The following VWA5B2 variants were observed in gnomAD, a reference collection of about 807,000 sequenced individuals.
VWA5B2 encodes von Willebrand factor A domain containing 5B2, also known as von Willebrand factor A domain-containing protein 5B2.
In VWA5B2, 93 loss-of-function variants were observed where a neutral mutation model predicts 118.5. That is an observed-to-expected ratio of 0.79 (90% CI 0.66 to 0.93). The LOEUF (loss-of-function observed/expected upper bound fraction) is 0.93, where lower values mean the gene tolerates loss of function less well. Among genes scored for constraint, VWA5B2 ranks in the 40% least tolerant of loss-of-function variants. The pLI is 0.00. For synonymous variants in VWA5B2, 708 were observed against 716.3 expected (o/e 0.99, Z 0.19); for missense variants, 1,546 against 1,672.8 (o/e 0.92, Z 1.32).
Position 184,239,530 on chromosome 3 carries a change from A to G in VWA5B2, c.2339A>G (p.Asp780Gly), listed in dbSNP as rs1315154545. 1.9e-6 allele frequency: 3 copies of G among 1,546,334 alleles called. No individual in the cohort carries two copies. The highest frequency in any genetic ancestry group is 2.6e-6 in the Non-Finnish European group (3 of 1,143,816). ...AAACCCTCTTTGGGTGCAATACTAG[A>G]TGGCCCAAGTCCTGAGCCAGGCCAA... ...PRKPSLGAIL[D>G]GPSPEPGQQL... Residue 780 changes from aspartate (D) to glycine (G), a missense_variant, in exon 15 of 20, where the codon GAT (aspartate) becomes GGT (glycine). By Grantham distance (94) the Asp-to-Gly change is moderately conservative. Transcript: ENST00000691901. This position sits in a 1 kb window ranked among gnomAD's most constrained non-coding sequence, Gnocchi z 5.1.
rs1343735034 is a variant in VWA5B2, at chr3:184,240,983, C to T, written c.2879-41C>T. ...TGCAGCTCTCACCTCACTGGCCACT[C>T]TCCTGGACAAACCTGACTCCTGTCC... On this transcript the variant is annotated intron_variant, in intron 17 of 19. Coordinates refer to ENST00000691901, the MANE Select transcript of VWA5B2 (RefSeq NM_001390846.1). 6.4e-6 allele frequency: 10 copies of T among 1,551,556 alleles called. 1 individual carries two copies. The highest frequency in any genetic ancestry group is 2.4e-5 in the East Asian group (1 of 40,912).
In VWA5B2 at chr3:184,239,511, T is replaced by G; in HGVS notation, c.2320T>G (p.Ser774Ala). ...AGTCCCCGGCCGACCCCGGAAACCCTCTTTGGGTGCAATACTAGATGGCCC... is the reference window on the plus strand; with the variant it reads ...AGTCCCCGGCCGACCCCGGAAACCCGCTTTGGGTGCAATACTAGATGGCCC... ...NQVPGRPRKP[S>A]LGAILDGPSP... The change falls in exon 15 of 20, where the codon TCT becomes GCT. Residue 774 changes from serine to alanine, a missense_variant. Ser to Ala is a moderately conservative substitution (Grantham distance 99). Transcript: ENST00000691901. This position sits in a 1 kb window ranked among gnomAD's most constrained non-coding sequence, Gnocchi z 5.1. 6.5e-7 allele frequency: 1 copy of G among 1,549,000 alleles called. No homozygotes were observed. Among genetic ancestry groups the G allele is most frequent in the Non-Finnish European group, 8.7e-7 (1 of 1,146,072 alleles).
chr3:184,236,267 G>A lies in VWA5B2; in HGVS notation c.1212+5G>A. On this transcript the variant is annotated splice_donor_5th_base_variant and intron_variant, in intron 9 of 19. Coordinates refer to ENST00000691901, the MANE Select transcript of VWA5B2 (RefSeq NM_001390846.1). The stretch of plus-strand genomic sequence containing the variant: ...GAGAGCCGGCCTTGCAGTGATGTGA[G>A]TGTGGTCCAGGGATCTGGGGGCCTT... 1 of 1,551,792 alleles carries A rather than the reference G, an allele frequency of 6.4e-7. No homozygotes were observed. The highest frequency in any genetic ancestry group is 8.7e-7 in the Non-Finnish European group (1 of 1,146,996).
chr3:184,229,681 G>A lies in VWA5B2; in HGVS notation c.-182G>A, dbSNP rs1442603774. ...AGGCGGCACCACCCACACGGATCCC[G>A]TGGGCACCTAGAACTCCGCGGAGGG... On this transcript the variant is annotated 5_prime_UTR_variant, in exon 1 of 20. In the 5' UTR this introduces an upstream ATG that the reference lacks. Coordinates refer to ENST00000691901, the MANE Select transcript of VWA5B2 (RefSeq NM_001390846.1). Among the ~76,000 whole-genome samples, 5 of 152,154 alleles carry A rather than the reference G, an allele frequency of 3.3e-5. No homozygotes were observed. The highest frequency in any genetic ancestry group is 1.2e-4 in the African/African-American group (5 of 41,446).
rs758280142 is a variant in VWA5B2, at chr3:184,237,318, C to T, written c.1626C>T (p.Thr542=). ...FVPDTVEALL[T]PREIPALYPG... ...CCGACACTGTGGAGGCACTGCTGAC[C>T]CCCCGGGAGATCCCAGCACTCTACC... Residue 542 remains threonine (T), a synonymous_variant, in exon 12 of 20, where the codon ACC becomes ACT. Transcript: ENST00000691901. This position sits in a 1 kb window ranked among gnomAD's most constrained non-coding sequence, Gnocchi z 5.6. The T allele has an allele frequency of 6.4e-7, 1 of 1,551,514 alleles. No individual in the cohort carries two copies. The highest frequency in any genetic ancestry group is 8.7e-7 in the Non-Finnish European group (1 of 1,147,004).
At position 184,234,409 on chromosome 3, in the gene VWA5B2, G is replaced by A. The variant is rs1168559525; in HGVS notation, c.820+12G>A. 7 of 1,551,612 alleles carry A rather than the reference G, an allele frequency of 4.5e-6. No homozygotes were observed. The highest frequency in any genetic ancestry group is 2.4e-5 in the East Asian group (1 of 40,920). ...GCTGCACCCCAGTGGTGAGAGACTG[G>A]GACACACCGTGGGCCGGCTCTGACC... On this transcript the variant is annotated intron_variant, in intron 6 of 19. Coordinates refer to ENST00000691901, the MANE Select transcript of VWA5B2 (RefSeq NM_001390846.1).
chr3:184,230,934 C>A lies in VWA5B2; in HGVS notation c.310+17C>A, dbSNP rs1717328957. 1.2e-5 allele frequency: 14 copies of A among 1,211,120 alleles called. No homozygotes were observed. In the South Asian group the frequency reaches 5.3e-4, roughly 46 times the overall value. The allele number at this position is 1,211,120 out of a possible 1,614,324, so 75.0% of individuals were successfully genotyped here. A position where few individuals can be genotyped will look rare whatever the true frequency, so the allele number is the denominator to read the frequency against. The stretch of plus-strand genomic sequence containing the variant: ...GCGCGCAGGGTGAGTTCCGCGCGCC[C>A]GCACCCGCGCTCCTGAAAGCCGGGC... On this transcript the variant is annotated intron_variant, in intron 3 of 19. Transcript: ENST00000691901.
chr3:184,238,914 ATATT>A lies in VWA5B2; in HGVS notation c.2202+48_2202+51del, dbSNP rs1408874847. ...CATTCATTCGCCTTGTATCCAGCAA[ATATT>A]TATTTACCACCTGCTGTGCACCAGA... On this transcript the variant is annotated intron_variant, in intron 14 of 19. Transcript: ENST00000691901. This position sits in a 1 kb window ranked among gnomAD's most constrained non-coding sequence, Gnocchi z 5.0. The A allele has an allele frequency of 2.1e-6, 3 of 1,442,912 alleles. No homozygotes were observed. The highest frequency in any genetic ancestry group is 2.9e-5 in the African/African-American group (2 of 69,776). 89.4% of individuals were successfully genotyped at this position (1,442,912 alleles called of 1,614,324 possible).
Position 184,239,689 on chromosome 3 carries a change from G to A in VWA5B2, c.2393G>A (p.Gly798Glu). ...TGCCCCTGCTGTCTTGCCTCCCCAGGAAACCTGCTCTCCCCAGCCCCTATG... is the reference window on the plus strand; with the variant it reads ...TGCCCCTGCTGTCTTGCCTCCCCAGAAAACCTGCTCTCCCCAGCCCCTATG... ...QQLGQGLDDS[G>E]NLLSPAPMDW... The change falls in exon 16 of 20, where the codon GGA (glycine) becomes GAA (glutamate). Residue 798 changes from glycine (G) to glutamate (E), a missense_variant and splice_region_variant. Gly to Glu is a moderately conservative substitution (Grantham distance 98, BLOSUM62 -2). Around this residue, in one of 3 missense-constraint regions of VWA5B2, gnomAD observed 763 missense variants for 766.6 expected, o/e 1.00. Transcript: ENST00000691901. This position sits in a 1 kb window ranked among gnomAD's most constrained non-coding sequence, Gnocchi z 5.1. 6.8e-7 allele frequency: 1 copy of A among 1,465,960 alleles called. No homozygotes were observed. Among genetic ancestry groups the A allele is most frequent in the Non-Finnish European group, 9.1e-7 (1 of 1,102,376 alleles). The allele number at this position is 1,465,960 out of a possible 1,614,324, so 90.8% of individuals were successfully genotyped here. A position where few individuals can be genotyped will look rare whatever the true frequency, so the allele number is the denominator to read the frequency against.
In VWA5B2 at chr3:184,233,477, C is replaced by A; in HGVS notation, c.530+80C>A. The A allele has an allele frequency of 6.6e-7, 1 of 1,505,590 alleles. No individual in the cohort carries two copies. The highest frequency in any genetic ancestry group is 1.3e-5 in the South Asian group (1 of 75,916). 93.3% of individuals were successfully genotyped at this position (1,505,590 alleles called of 1,614,324 possible). On this transcript the variant is annotated intron_variant, in intron 4 of 19. Transcript: ENST00000691901. This position sits in a 1 kb window ranked among gnomAD's most constrained non-coding sequence, Gnocchi z 5.2. ...CGGGTGAGGGGGCACTGGCAGGGTA[C>A]CCAGGGATGGGAAGGGTGAGGAAGG... is the stretch of plus-strand genomic sequence containing the variant.
At position 184,239,334 on chromosome 3, in the gene VWA5B2, A is replaced by G; in HGVS notation, c.2203-60A>G. The G allele has an allele frequency of 6.9e-7, 1 of 1,453,700 alleles. No homozygotes were observed. The highest frequency in any genetic ancestry group is 9.1e-7 in the Non-Finnish European group (1 of 1,093,934). 90.1% of individuals were successfully genotyped at this position (1,453,700 alleles called of 1,614,324 possible). A position where few individuals can be genotyped will look rare whatever the true frequency, so the allele number is the denominator to read the frequency against. The stretch of plus-strand genomic sequence containing the variant: ...AGGGGCATGGGCCAGCTGTGCACCC[A>G]TGTATGATGGTCAAGGGTTCTGCAT... On this transcript the variant is annotated intron_variant, in intron 14 of 19. Coordinates refer to ENST00000691901, the MANE Select transcript of VWA5B2 (RefSeq NM_001390846.1). The surrounding 1 kb of genome is among the most constrained non-coding windows in gnomAD (Gnocchi z 5.1).
chr3:184,241,508 C>A lies in VWA5B2; in HGVS notation c.3199C>A (p.Pro1067Thr), dbSNP rs1205514179. 1 of 1,552,348 alleles carries A rather than the reference C, an allele frequency of 6.4e-7. No individual in the cohort carries two copies. Among genetic ancestry groups the A allele is most frequent in the Non-Finnish European group, 8.7e-7 (1 of 1,147,944 alleles). The change falls in exon 20 of 20, where the codon CCA becomes ACA. Residue 1067 changes from proline (P) to threonine (T), a missense_variant. Coordinates refer to ENST00000691901, the MANE Select transcript of VWA5B2 (RefSeq NM_001390846.1). The surrounding 1 kb of genome is among the most constrained non-coding windows in gnomAD (Gnocchi z 5.1). ...YLPLVRLQEA[P>T]GSFRLDAPFC... ...TCCTCAGGTGCGGCTGCAGGAGGCA[C>A]CAGGCTCCTTCCGCCTGGACGCGCC... is the stretch of plus-strand genomic sequence containing the variant.
At chr3:184,234,219 G>C in intron 5 of VWA5B2, 47 bp from the exon 6 acceptor site, 1 of 1,542,586 alleles carries the variant, frequency 6.5e-7, no homozygotes, top group African/African-American at 1.4e-5. Context: ...CTGTCCCTGG[G>C]AAGGTGTTAT....
At position 184,238,571 on chromosome 3, in the gene VWA5B2, G is replaced by A; in HGVS notation, c.1900G>A (p.Ala634Thr). Residue 634 changes from alanine (A) to threonine (T), a missense_variant, in exon 14 of 20, where the codon GCT (alanine) becomes ACT (threonine). Coordinates refer to ENST00000691901, the MANE Select transcript of VWA5B2 (RefSeq NM_001390846.1). This position sits in a 1 kb window ranked among gnomAD's most constrained non-coding sequence, Gnocchi z 5.0. ...CTACTGCCTCCCAGCAGGTACTGAT[G>A]CTCTGACAGACCCAGTCACGGATCC... Reference protein sequence around the residue: ...AARDSEQSTDALTDPVTDPGP... With the variant: ...AARDSEQSTDTLTDPVTDPGP... The A allele has an allele frequency of 6.5e-7, 1 of 1,548,546 alleles. No individual in the cohort carries two copies.
At chr3:184,240,392 T>A in intron 16 of VWA5B2, 1 of 342,184 alleles carries the variant, frequency 2.9e-6, no homozygotes, top group Non-Finnish European at 5.3e-6. Context: ...TACTTAAAGT[T>A]CATTTCCTCA....
intron 8 of VWA5B2, 95 bp downstream of exon 8, chr3:184,235,403 T>C: frequency 2.9e-6 from 4 of 1,377,352 alleles, no homozygotes; most frequent in Non-Finnish European, 3.9e-6. Flanking sequence ...AGGAGTTACC[T>C]TGTTGCTTCA....
chr3:184,242,098 C>G lies in VWA5B2; in HGVS notation c.*60C>G. On this transcript the variant is annotated 3_prime_UTR_variant, in exon 20 of 20. Transcript: ENST00000691901. Reference sequence around the variant, plus strand: ...CCAACACACTCAAGTCACTGCCGCCCAGGGCTGGCCTCTTGGTGCTGGGAA... The same window carrying G: ...CCAACACACTCAAGTCACTGCCGCCGAGGGCTGGCCTCTTGGTGCTGGGAA... 6.6e-7 allele frequency: 1 copy of G among 1,526,688 alleles called. No individual in the cohort carries two copies. The allele number at this position is 1,526,688 out of a possible 1,614,324, so 94.6% of individuals were successfully genotyped here. A position where few individuals can be genotyped will look rare whatever the true frequency, so the allele number is the denominator to read the frequency against.
rs1718080908 is a variant in VWA5B2, at chr3:184,237,140, A to C, written c.1534-86A>C. On this transcript the variant is annotated intron_variant, in intron 11 of 19. Coordinates refer to ENST00000691901, the MANE Select transcript of VWA5B2 (RefSeq NM_001390846.1). The surrounding 1 kb of genome is among the most constrained non-coding windows in gnomAD (Gnocchi z 5.6). ...TCAGCTTAGGGGCTGGGCAGATGGC[A>C]TCAGGGGAAGGGCAGCCTTCCTGCT... The C allele has an allele frequency of 2.1e-6, 3 of 1,438,794 alleles. No individual in the cohort carries two copies. The highest frequency in any genetic ancestry group is 2.7e-5 in the South Asian group (2 of 74,138). The allele number at this position is 1,438,794 out of a possible 1,614,324, so 89.1% of individuals were successfully genotyped here. A position where few individuals can be genotyped will look rare whatever the true frequency, so the allele number is the denominator to read the frequency against.
In VWA5B2 at chr3:184,233,198, G is replaced by C. The variant is rs1717573537; in HGVS notation, c.331G>C (p.Ala111Pro). ...CAQGHLVLDL[A>P]QARSTLVLPT... ...CATAGGTCATCTTGTCTTGGATCTG[G>C]CCCAGGCCCGGTCCACGTTGGTGCT... The change falls in exon 4 of 20, where the codon GCC (alanine) becomes CCC (proline). Residue 111 changes from alanine (A) to proline (P), a missense_variant. Around this residue, in one of 3 missense-constraint regions of VWA5B2, gnomAD observed 775 missense variants for 882.3 expected, o/e 0.88. Coordinates refer to ENST00000691901, the MANE Select transcript of VWA5B2 (RefSeq NM_001390846.1). This position sits in a 1 kb window ranked among gnomAD's most constrained non-coding sequence, Gnocchi z 5.2. 5.2e-6 allele frequency: 8 copies of C among 1,550,860 alleles called. No homozygotes were observed. Among genetic ancestry groups the C allele is most frequent in the Non-Finnish European group, 7.0e-6 (8 of 1,146,800 alleles).
Sources: allele counts gnomAD v4.1 joint callset (sites outside exome capture counted in the v4.1 genomes callset), GRCh38; gene constraint gnomAD v4.1.1; regional missense constraint gnomAD v4.1.1; non-coding constraint Gnocchi (gnomAD v3.1); transcripts MANE v1.5; gene names NCBI Gene and HGNC (gene_info 2026-07-23, HGNC 2026-07-21).